The following OCA2 variants were observed in gnomAD, a reference collection of about 807,000 sequenced individuals.
OCA2 encodes OCA2 melanosomal transmembrane protein.
Under a neutral mutation model 100.2 loss-of-function variants are expected in OCA2, and 77 were observed. The observed-to-expected ratio is 0.77, with a 90% CI of 0.64 to 0.93. The LOEUF is 0.93. Ranked by LOEUF, OCA2 falls within the 40% of genes least tolerant of loss-of-function variation. The probability of loss-of-function intolerance (pLI) is 0.00; values close to 1 mark genes in which losing one functional copy is unlikely to be tolerated. For missense variants in OCA2, 1,062 were observed against 1,089.1 expected (o/e 0.98, Z 0.35); for synonymous variants, 432 against 439.2 (o/e 0.98, Z 0.21).
chr15:27,781,519 T>G (rs2032538975), intron 23 of OCA2, among the ~76,000 whole-genome samples: 1 of 152,212 alleles, frequency 6.6e-6, no homozygotes, highest in Non-Finnish European at 1.5e-5. Context: ...TACCATTGAT[T>G]AATACTGACT....
At chr15:27,890,509 C>A (rs181481320) in intron 19 of OCA2, among the ~76,000 whole-genome samples, 146 of 152,282 alleles carry the variant, frequency 9.6e-4, no homozygotes, top group Admixed American at 1.5e-3. Context: ...CAAATGGCAG[C>A]AAATTTCTTC....
intron 2 of OCA2, among the ~76,000 whole-genome samples, chr15:28,077,033 G>A (rs115574398): frequency 0.019 from 2,808 of 151,388 alleles, 92 homozygotes; most frequent in African/African-American, 0.064. Flanking sequence ...GAGTGGGGAA[G>A]TCTGTGTGTC....
chr15:27,751,335 C>T (rs922929520), downstream of OCA2, among the ~76,000 whole-genome samples: 15 of 152,050 alleles, frequency 9.9e-5, no homozygotes, highest in African/African-American at 3.6e-4. Context: ...TTAGAATGAC[C>T]AAGTTTGTTT....
intron 23 of OCA2, among the ~76,000 whole-genome samples, chr15:27,767,670 A>G (rs1174724058): frequency 7.3e-6 from 1 of 136,330 alleles, no homozygotes; most frequent in Non-Finnish European, 1.7e-5. Flanking sequence ...TTGTAAACAC[A>G]CCAATCAGCA....
intron 23 of OCA2, among the ~76,000 whole-genome samples, chr15:27,827,286 T>C (rs538376867): frequency 6.6e-6 from 1 of 152,014 alleles, no homozygotes; most frequent in African/African-American, 2.4e-5. Context: ...GAAATCAACA[T>C]CTGATTTAAA....
At position 27,794,264 on chromosome 15, in the gene OCA2, C is replaced by T. The variant is rs943279852; in HGVS notation, c.2433-38792G>A. On this transcript the variant is annotated intron_variant, in intron 23 of 23. Coordinates refer to ENST00000354638, the MANE Select transcript of OCA2 (RefSeq NM_000275.3). The stretch of plus-strand genomic sequence containing the variant: ...GGACCACAGGGGCCCTGGTGTGGGT[C>T]GTGGCTAAGCGCAGATGGCTACAGG... 3.3e-5 allele frequency among the ~76,000 whole-genome samples: 5 copies of T among 152,212 alleles called. No individual in the cohort carries two copies. The South Asian group carries it at 8.3e-4, about 25-fold the overall frequency.
chr15:27,897,044 G>C (rs537532111), intron 19 of OCA2, among the ~76,000 whole-genome samples: 1 of 152,162 alleles, frequency 6.6e-6, no homozygotes, highest in Non-Finnish European at 1.5e-5. Flanking sequence ...CAAAAAATTA[G>C]CCGGGTGTGG....
intron 9 of OCA2, among the ~76,000 whole-genome samples, chr15:28,013,479 A>T (rs1220105426): frequency 1.3e-5 from 2 of 152,160 alleles, no homozygotes; most frequent in Admixed American, 6.5e-5. Flanking sequence ...CAGACTGTAT[A>T]AAATGTGATT....
chr15:27,900,308 A>T (rs1251950148), intron 19 of OCA2, among the ~76,000 whole-genome samples: 1 of 152,116 alleles, frequency 6.6e-6, no homozygotes, highest in Non-Finnish European at 1.5e-5. Context: ...ATGCACCCAG[A>T]GGAACACCCA....
At chr15:27,876,791 T>G (rs1221714462) in intron 19 of OCA2, among the ~76,000 whole-genome samples, 2 of 151,946 alleles carry the variant, frequency 1.3e-5, no homozygotes, top group Non-Finnish European at 2.9e-5. Flanking sequence ...CACCTCTCTT[T>G]TCTTGATGAT....
At chr15:27,930,122 C>T (rs1334232763) in intron 18 of OCA2, among the ~76,000 whole-genome samples, 1 of 152,126 alleles carries the variant, frequency 6.6e-6, no homozygotes, top group African/African-American at 2.4e-5. Context: ...TATGAACCCA[C>T]CATTCCACTT....
chr15:27,893,989 A>AC (rs1347791466), intron 19 of OCA2, among the ~76,000 whole-genome samples: 1 of 151,398 alleles, frequency 6.6e-6, no homozygotes, highest in African/African-American at 2.4e-5. Context: ...CTGTTCTTAC[A>AC]CCCCCTCCCC....
intron 19 of OCA2, among the ~76,000 whole-genome samples, chr15:27,907,635 A>G (rs1025505570): frequency 2.0e-5 from 3 of 152,184 alleles, no homozygotes; most frequent in Non-Finnish European, 2.9e-5. Context: ...GAAAAGGGGG[A>G]AAAAGCACAA....
chr15:27,786,242 A>C (rs2032810009), intron 23 of OCA2, among the ~76,000 whole-genome samples: 1 of 152,140 alleles, frequency 6.6e-6, no homozygotes, highest in South Asian at 2.1e-4. Flanking sequence ...TTCTTCTTCA[A>C]GATGTTTGAG....
chr15:27,803,065 TAAAC>T (rs751214528), intron 23 of OCA2, among the ~76,000 whole-genome samples: 26 of 152,046 alleles, frequency 1.7e-4, no homozygotes, highest in Non-Finnish European at 2.9e-4. Context: ...AATTCAATAA[TAAAC>T]AAAACTCAAA....
chr15:28,003,920 C>T (rs890579453), intron 9 of OCA2, among the ~76,000 whole-genome samples: 12 of 152,224 alleles, frequency 7.9e-5, no homozygotes, highest in African/African-American at 2.9e-4. Context: ...GAAAGGTGAC[C>T]TGAGAGTGAT....
chr15:27,912,372 A>G (rs1158607352), intron 19 of OCA2, among the ~76,000 whole-genome samples: 1 of 152,202 alleles, frequency 6.6e-6, no homozygotes, highest in African/African-American at 2.4e-5. Context: ...AGCAGGCAAA[A>G]TGCAAAATGA....
chr15:27,865,635 C>A (rs755039614), intron 21 of OCA2, among the ~76,000 whole-genome samples: 22 of 152,190 alleles, frequency 1.4e-4, no homozygotes, highest in African/African-American at 5.3e-4. Context: ...ACCAGTTACT[C>A]TAAGGGTGTT....
At chr15:27,754,827 A>G (rs2030210114), downstream of OCA2, 1 of 159,928 alleles carries the variant, frequency 6.3e-6, no homozygotes, top group Non-Finnish European at 1.4e-5. Context: ...AGAGAAAAAT[A>G]TAAATGGATA....
Sources: gnomAD v4.1 joint callset for allele counts (sites outside exome capture counted in the v4.1 genomes callset) on GRCh38, gnomAD v4.1.1 for gene constraint, MANE v1.5 for transcripts, NCBI Gene and HGNC (gene_info 2026-07-23, HGNC 2026-07-21) for gene names.